Variants in TRIO observed in about 807,000 individuals in gnomAD.
The protein encoded by TRIO is triple functional domain protein.
A neutral mutation model predicts 351.9 loss-of-function variants in TRIO; 58 were observed. The observed-to-expected ratio is 0.16, with a 90% confidence interval of 0.13 to 0.21. TRIO has a LOEUF of 0.21. TRIO is among the 10% of genes least tolerant of loss of function. The pLI, the probability that TRIO is intolerant of heterozygous loss-of-function variation, is 1.00. For missense variants in TRIO, 3,201 were observed against 4,027.8 expected (o/e 0.79, Z 5.56); for synonymous variants, 1,758 against 1,595.7 (o/e 1.10, Z -2.42).
rs1433030478 is a variant in TRIO, at chr5:14,336,735, G to A, written c.2046+8G>A. Reference sequence around the variant, plus strand: ...CACACCCATGTGAAAGAGGTAAGGTGCCAGGAGACCAAAATATGATCTGTG... The same window carrying A: ...CACACCCATGTGAAAGAGGTAAGGTACCAGGAGACCAAAATATGATCTGTG... On this transcript the variant is annotated splice_region_variant and intron_variant, in intron 11 of 56. Coordinates refer to ENST00000344204, the MANE Select transcript of TRIO (RefSeq NM_007118.4). 12 of 1,613,846 alleles carry A rather than the reference G, an allele frequency of 7.4e-6. No individual in the cohort carries two copies. The highest frequency in any genetic ancestry group is 1.7e-5 in the Admixed American group (1 of 59,998).
At chr5:14,258,995 A>T (rs1355139823) in intron 1 of TRIO, among the ~76,000 whole-genome samples, 2 of 152,160 alleles carry the variant, frequency 1.3e-5, no homozygotes, top group South Asian at 2.1e-4. Context: ...ACCTCCCCTG[A>T]GGTAATCCAA....
At chr5:14,432,871 C>G (rs1190831608) in intron 34 of TRIO, among the ~76,000 whole-genome samples, 1 of 152,206 alleles carries the variant, frequency 6.6e-6, no homozygotes, top group Non-Finnish European at 1.5e-5. Context: ...AATTCAACTT[C>G]CTGTCAGCTC....
chr5:14,303,743 G>A (rs908615286), intron 7 of TRIO, among the ~76,000 whole-genome samples: 1 of 152,198 alleles, frequency 6.6e-6, no homozygotes, highest in African/African-American at 2.4e-5. Context: ...GGTTGGGATG[G>A]CAGCCTCAGG....
chr5:14,178,045 T>C (rs1001132398), intron 1 of TRIO, among the ~76,000 whole-genome samples: 2 of 152,234 alleles, frequency 1.3e-5, no homozygotes, highest in African/African-American at 4.8e-5. Flanking sequence ...TGTGTTTGCT[T>C]TTAACAAATA....
chr5:14,310,606 G>A (rs577263935), intron 8 of TRIO, among the ~76,000 whole-genome samples: 27 of 152,338 alleles, frequency 1.8e-4, no homozygotes, highest in African/African-American at 6.3e-4. Context: ...AGCAAAATGA[G>A]TCACCTGGAT....
chr5:14,162,127 A>T (rs575822603), intron 1 of TRIO, among the ~76,000 whole-genome samples: 1 of 152,334 alleles, frequency 6.6e-6, no homozygotes, highest in East Asian at 1.9e-4. Context: ...GTAAGGTGTA[A>T]GTGCAGTTTG....
intron 46 of TRIO, among the ~76,000 whole-genome samples, chr5:14,484,306 T>G (rs924048319): frequency 3.9e-5 from 6 of 152,222 alleles, no homozygotes; most frequent in Non-Finnish European, 8.8e-5. Context: ...TGTTTAATGG[T>G]GTCATTTACT....
chr5:14,417,537 G>A (rs1222912941), intron 33 of TRIO, among the ~76,000 whole-genome samples: 1 of 152,242 alleles, frequency 6.6e-6, no homozygotes, highest in Middle Eastern at 3.2e-3. Flanking sequence ...GTCTCTGGGT[G>A]TGGGCTTGTG....
chr5:14,392,622 T>G (rs922355455), intron 27 of TRIO, among the ~76,000 whole-genome samples: 5 of 152,206 alleles, frequency 3.3e-5, no homozygotes, highest in East Asian at 3.9e-4. Flanking sequence ...TAAAGACACA[T>G]GCACACACGT....
chr5:14,435,551 C>A (rs918933183), intron 34 of TRIO, among the ~76,000 whole-genome samples: 4 of 152,196 alleles, frequency 2.6e-5, no homozygotes, highest in African/African-American at 9.7e-5. Context: ...TTTTGGCATC[C>A]CTCAGTAGTT....
At chr5:14,196,752 C>T (rs1337651380) in intron 1 of TRIO, among the ~76,000 whole-genome samples, 1 of 152,164 alleles carries the variant, frequency 6.6e-6, no homozygotes, top group East Asian at 1.9e-4. Flanking sequence ...GCTCTGAGTC[C>T]AGTGTTCTTA....
rs1757869452 is a variant in TRIO at position 14,508,431 on chromosome 5, G to A, written c.*9G>A. On this transcript the variant is annotated 3_prime_UTR_variant, in exon 57 of 57. Coordinates refer to ENST00000344204, the MANE Select transcript of TRIO (RefSeq NM_007118.4). ...TTCTGCCTAGAGTTTGACCTATCCA[G>A]AAGTTCTTTCTCATTCTCTTTCACC... 6.4e-7 allele frequency: 1 copy of A among 1,573,456 alleles called. No homozygotes were observed. Among genetic ancestry groups the A allele is most frequent in the Admixed American group, 1.9e-5 (1 of 53,332 alleles).
chr5:14,205,840 C>G (rs564738951), intron 1 of TRIO, among the ~76,000 whole-genome samples: 1 of 151,318 alleles, frequency 6.6e-6, no homozygotes, highest in Non-Finnish European at 1.5e-5. Flanking sequence ...TTAAGCGATT[C>G]TCGTGCCTCA....
At chr5:14,224,701 C>T (rs2152213098) in intron 1 of TRIO, among the ~76,000 whole-genome samples, 1 of 152,132 alleles carries the variant, frequency 6.6e-6, no homozygotes, top group Non-Finnish European at 1.5e-5. Context: ...GTTCAGTTGC[C>T]AGAAATGATT....
chr5:14,367,541 C>T (rs936608887), intron 16 of TRIO, among the ~76,000 whole-genome samples: 6 of 152,176 alleles, frequency 3.9e-5, no homozygotes, highest in Non-Finnish European at 5.9e-5. Flanking sequence ...CCAGAACTGT[C>T]GCAAAATGAC....
intron 3 of TRIO, among the ~76,000 whole-genome samples, chr5:14,283,554 G>A (rs1017528437): frequency 2.6e-4 from 39 of 152,046 alleles, no homozygotes; most frequent in Admixed American, 2.4e-3. Flanking sequence ...GAGATATAGT[G>A]CAATAATTTT....
At position 14,227,186 on chromosome 5, in the gene TRIO, C is replaced by T. The variant is rs997226357; in HGVS notation, c.158-43639C>T. ...CCTTGAGGTATTTCAAGCATTTGGT[C>T]ATTCTACCCTTGATGGCCTTCAGGA... On this transcript the variant is annotated intron_variant, in intron 1 of 56. Transcript: ENST00000344204. 2.0e-5 allele frequency among the ~76,000 whole-genome samples: 3 copies of T among 152,182 alleles called. No homozygotes were observed. The South Asian group carries it at 6.2e-4, about 32-fold the overall frequency.
At chr5:14,395,304 A>T (rs1189778073) in intron 28 of TRIO, among the ~76,000 whole-genome samples, 1 of 152,246 alleles carries the variant, frequency 6.6e-6, no homozygotes, top group African/African-American at 2.4e-5. Flanking sequence ...AATGCAAAAT[A>T]AGTCAGGAGG....
intron 1 of TRIO, among the ~76,000 whole-genome samples, chr5:14,219,838 G>T (rs147197742): frequency 1.3e-5 from 2 of 151,826 alleles, no homozygotes; most frequent in Non-Finnish European, 2.9e-5. Flanking sequence ...AGCATGTGGC[G>T]TCCAGCAGTT....
Sources: gnomAD v4.1 joint callset for allele counts (sites outside exome capture counted in the v4.1 genomes callset) on GRCh38, gnomAD v4.1.1 for gene constraint, MANE v1.5 for transcripts, NCBI Gene and HGNC (gene_info 2026-07-23, HGNC 2026-07-21) for gene names.